Variants in DSCAML1 observed in about 807,000 individuals in gnomAD.
DSCAML1 encodes the protein cell adhesion molecule DSCAML1.
Under a neutral mutation model 200.5 loss-of-function variants are expected in DSCAML1, and 38 were observed. That is an observed-to-expected ratio of 0.19 (90% CI 0.15 to 0.25). The LOEUF (loss-of-function observed/expected upper bound fraction) is 0.25. Among genes scored for constraint, DSCAML1 ranks in the 10% least tolerant of loss-of-function variants. The probability of loss-of-function intolerance (pLI) is 1.00; values close to 1 mark genes in which losing one functional copy is unlikely to be tolerated. For synonymous variants in DSCAML1, 1,215 were observed against 1,165.0 expected (o/e 1.04, Z -0.87); for missense variants, 2,223 against 2,858.8 (o/e 0.78, Z 5.07).
chr11:117,592,844 G>T (rs778395429), intron 3 of DSCAML1, among the ~76,000 whole-genome samples: 1 of 152,200 alleles, frequency 6.6e-6, no homozygotes, highest in Non-Finnish European at 1.5e-5. Flanking sequence ...CAGAGACCAG[G>T]CTCCGTGCTG....
At chr11:117,740,139 G>A (rs1942931) in intron 3 of DSCAML1, among the ~76,000 whole-genome samples, 10,916 of 152,158 alleles carry the variant, frequency 0.072, 643 homozygotes, top group African/African-American at 0.16. Flanking sequence ...GGCAGGGGCT[G>A]GACAACTACC....
intron 3 of DSCAML1, among the ~76,000 whole-genome samples, chr11:117,628,424 C>T (rs891491874): frequency 6.6e-6 from 1 of 152,240 alleles, no homozygotes; most frequent in Admixed American, 6.5e-5. Context: ...CCTCCTCGTG[C>T]AGGGAGAAGC....
At chr11:117,776,741 C>T (rs1486941826) in intron 3 of DSCAML1, 50 bp downstream of exon 3, 3 of 1,608,694 alleles carry the variant, frequency 1.9e-6, no homozygotes, top group Non-Finnish European at 2.6e-6. Flanking sequence ...TTTATCCAGT[C>T]CCCACAGAGG....
At chr11:117,776,387 A>T (rs767678285) in intron 3 of DSCAML1, among the ~76,000 whole-genome samples, 1 of 152,156 alleles carries the variant, frequency 6.6e-6, no homozygotes, top group Non-Finnish European at 1.5e-5. Flanking sequence ...CACACGACGC[A>T]GGAACACAGA....
At chr11:117,436,257 A>AC (rs1451858970) in intron 26 of DSCAML1, among the ~76,000 whole-genome samples, 1 of 151,720 alleles carries the variant, frequency 6.6e-6, no homozygotes, top group Non-Finnish European at 1.5e-5. Flanking sequence ...CTCCCTGCTC[A>AC]CCCCTCCTGG....
intron 11 of DSCAML1, among the ~76,000 whole-genome samples, chr11:117,484,532 G>A (rs536928510): frequency 6.6e-6 from 1 of 152,196 alleles, no homozygotes; most frequent in African/African-American, 2.4e-5. Flanking sequence ...GACAAATAAC[G>A]AGGTGCAAGT....
intron 3 of DSCAML1, among the ~76,000 whole-genome samples, chr11:117,631,204 C>A (rs1168398988): frequency 6.6e-6 from 1 of 152,184 alleles, no homozygotes; most frequent in Admixed American, 6.5e-5. Context: ...TGGGGGAGCC[C>A]CAAATCTGAG....
intron 8 of DSCAML1, among the ~76,000 whole-genome samples, chr11:117,510,143 C>A (rs539914546): frequency 2.6e-5 from 4 of 152,344 alleles, no homozygotes; most frequent in Admixed American, 2.6e-4. Flanking sequence ...GGCGTGCTGA[C>A]CACCAGCCCA....
At chr11:117,475,251 A>G (rs193154802) in intron 14 of DSCAML1, among the ~76,000 whole-genome samples, 4 of 152,294 alleles carry the variant, frequency 2.6e-5, no homozygotes, top group Admixed American at 2.6e-4. Flanking sequence ...CTCCTCTTAC[A>G]GGTGAGCATT....
chr11:117,625,655 A>C (rs969125742), intron 3 of DSCAML1, among the ~76,000 whole-genome samples: 1 of 152,204 alleles, frequency 6.6e-6, no homozygotes, highest in African/African-American at 2.4e-5. Context: ...TCGAAAATGA[A>C]GATGCCTCCT....
intron 3 of DSCAML1, among the ~76,000 whole-genome samples, chr11:117,715,833 C>T (rs529755098): frequency 2.0e-5 from 3 of 152,304 alleles, no homozygotes; most frequent in Admixed American, 2.0e-4. Flanking sequence ...CAGAACTATC[C>T]AGTCGGTGTG....
At chr11:117,567,707 G>A (rs938652848) in intron 3 of DSCAML1, among the ~76,000 whole-genome samples, 4 of 152,162 alleles carry the variant, frequency 2.6e-5, no homozygotes, top group Non-Finnish European at 5.9e-5. Flanking sequence ...CCAATAACAG[G>A]AGCTGAAATT....
chr11:117,733,617 G>T (rs1174054528), intron 3 of DSCAML1, among the ~76,000 whole-genome samples: 1 of 152,214 alleles, frequency 6.6e-6, no homozygotes, highest in African/African-American at 2.4e-5. Context: ...TAGTTGGGGT[G>T]GGGAAATATT....
Position 117,602,147 on chromosome 11 carries a change from C to T in DSCAML1, c.512-69625G>A, listed in dbSNP as rs190759456. Among the ~76,000 whole-genome samples, 3 of 152,362 alleles carry T rather than the reference C, an allele frequency of 2.0e-5. No homozygotes were observed. The East Asian group carries it at 5.8e-4, about 29-fold the overall frequency. On this transcript the variant is annotated intron_variant, in intron 3 of 32. Coordinates refer to ENST00000651296, the MANE Select transcript of DSCAML1 (RefSeq NM_020693.4). ...GCCCAGAGGTGCTGCCTTCTCACGA[C>T]CTCTAAAAACAGAAGTTTAATTTAT...
At chr11:117,607,698 A>C (rs1291041284) in intron 3 of DSCAML1, among the ~76,000 whole-genome samples, 1 of 152,184 alleles carries the variant, frequency 6.6e-6, no homozygotes, top group African/African-American at 2.4e-5. Context: ...ATCTGTGCTG[A>C]GACTTTGAGT....
Position 117,726,393 on chromosome 11 carries a change from T to A in DSCAML1, c.511+50398A>T, listed in dbSNP as rs1029403370. On this transcript the variant is annotated intron_variant, in intron 3 of 32. Coordinates refer to ENST00000651296, the MANE Select transcript of DSCAML1 (RefSeq NM_020693.4). ...GACATCACCTTGGGGCAATTTGTTG[T>A]TGTTAGTATAGGAAAAAATCCCTTA... Among the ~76,000 whole-genome samples, 3 of 152,112 alleles carry A rather than the reference T, an allele frequency of 2.0e-5. No homozygotes were observed. In the East Asian group the frequency reaches 5.8e-4, roughly 29 times the overall value.
chr11:117,680,537 G>T (rs980776637), intron 3 of DSCAML1, among the ~76,000 whole-genome samples: 5 of 152,334 alleles, frequency 3.3e-5, no homozygotes, highest in Admixed American at 2.0e-4. Context: ...CCAGGGCTGG[G>T]AGGGACTTCT....
intron 3 of DSCAML1, among the ~76,000 whole-genome samples, chr11:117,620,275 T>C (rs1177368178): frequency 3.9e-5 from 6 of 152,160 alleles, no homozygotes; most frequent in African/African-American, 1.4e-4. Flanking sequence ...CAGGTCTGAA[T>C]TTCATCAGCC....
At chr11:117,434,083 C>A (rs1001892697) in intron 27 of DSCAML1, among the ~76,000 whole-genome samples, 1 of 152,078 alleles carries the variant, frequency 6.6e-6, no homozygotes, top group Non-Finnish European at 1.5e-5. Flanking sequence ...TTTATTAGAC[C>A]CCTGATACCT....
Sources: allele counts gnomAD v4.1 joint callset (sites outside exome capture counted in the v4.1 genomes callset), GRCh38; gene constraint gnomAD v4.1.1; transcripts MANE v1.5; gene names NCBI Gene and HGNC (gene_info 2026-07-23, HGNC 2026-07-21).